MAP3K19: variants seen among roughly 807,000 people sequenced by gnomAD.
MAP3K19 encodes SPS1/STE20-related protein kinase YSK4.
A neutral mutation model predicts 114.4 loss-of-function variants in MAP3K19; 91 were observed. That is an observed-to-expected ratio of 0.80 (90% CI 0.67 to 0.95). The LOEUF (loss-of-function observed/expected upper bound fraction) is 0.95, where lower values mean the gene tolerates loss of function less well. MAP3K19 is among the 40% of genes least tolerant of loss of function. The pLI, the probability that MAP3K19 is intolerant of heterozygous loss-of-function variation, is 0.00. For synonymous variants in MAP3K19, 518 were observed against 530.5 expected (o/e 0.98, Z 0.32); for missense variants, 1,471 against 1,573.2 (o/e 0.94, Z 1.10).
rs2105230567 is a variant in MAP3K19 at position 134,986,886 on chromosome 2, G to T, written c.1986C>A (p.Ile662=). 1 of 1,614,156 alleles carries T rather than the reference G, an allele frequency of 6.2e-7. No homozygotes were observed. The highest frequency in any genetic ancestry group is 2.2e-5 in the East Asian group (1 of 44,882). The part of the protein sequence containing the change: ...EINSTANGPG[I]YEMFGTPVYC... ...AAACAGGGGTCCCAAACATTTCATAGATTCCAGGTCCATTAGCAGTTGAAT... is the reference window on the plus strand; with the variant it reads ...AAACAGGGGTCCCAAACATTTCATATATTCCAGGTCCATTAGCAGTTGAAT... Residue 662 remains isoleucine (I), a synonymous_variant, in exon 10 of 13, where the codon ATC becomes ATA. Transcript: ENST00000392915.
chr2:135,036,121 A>C (rs1408399194), intron 2 of MAP3K19, among the ~76,000 whole-genome samples: 1 of 152,072 alleles, frequency 6.6e-6, no homozygotes, highest in African/African-American at 2.4e-5. Flanking sequence ...GGTTTGAGCC[A>C]CTGGGCGCCT....
Position 134,980,813 on chromosome 2 carries a change from T to G in MAP3K19, c.3920+8A>C, listed in dbSNP as rs768418390. On this transcript the variant is annotated splice_region_variant and intron_variant, in intron 12 of 12. Coordinates refer to ENST00000392915, the MANE Select transcript of MAP3K19 (RefSeq NM_025052.5). ...TTTATCTTCCTCCTCTTGCTTTCAGTTTCTTACCTGGTCAGGCACATGCGC... is the reference window on the plus strand; with the variant it reads ...TTTATCTTCCTCCTCTTGCTTTCAGGTTCTTACCTGGTCAGGCACATGCGC... The G allele has an allele frequency of 1.2e-6, 2 of 1,605,230 alleles. No individual in the cohort carries two copies. Among genetic ancestry groups the G allele is most frequent in the Non-Finnish European group, 1.7e-6 (2 of 1,172,606 alleles).
intron 8 of MAP3K19, among the ~76,000 whole-genome samples, chr2:134,993,828 T>C (rs187470261): frequency 2.0e-5 from 3 of 152,234 alleles, no homozygotes; most frequent in East Asian, 3.9e-4. Flanking sequence ...CTGAGCAACA[T>C]AGCGAGACCC....
At chr2:135,034,526 C>T (rs1369979703) in intron 2 of MAP3K19, among the ~76,000 whole-genome samples, 1 of 130,624 alleles carries the variant, frequency 7.7e-6, no homozygotes, top group Non-Finnish European at 1.5e-5. Flanking sequence ...CCATTGAGCA[C>T]TGAGTGAACC....
chr2:135,007,767 TC>T (rs1341224008), intron 5 of MAP3K19, among the ~76,000 whole-genome samples: 1 of 152,196 alleles, frequency 6.6e-6, no homozygotes, highest in Non-Finnish European at 1.5e-5. Context: ...CTTAACCTTC[TC>T]TGTATTTCAA....
chr2:135,028,838 T>C (rs1688313247), intron 3 of MAP3K19, among the ~76,000 whole-genome samples: 2 of 152,196 alleles, frequency 1.3e-5, no homozygotes, highest in African/African-American at 4.8e-5. Context: ...ATAATGGTAT[T>C]ACTTCAGCAG....
chr2:134,967,580 C>T (rs929885464), intron 12 of MAP3K19, among the ~76,000 whole-genome samples: 1 of 152,242 alleles, frequency 6.6e-6, no homozygotes, highest in Non-Finnish European at 1.5e-5. Flanking sequence ...TGGAGAGAAA[C>T]ATAAATCTTG....
chr2:135,045,538 TAAC>T (rs1393705114), intron 1 of MAP3K19, among the ~76,000 whole-genome samples: 2 of 152,172 alleles, frequency 1.3e-5, no homozygotes. Context: ...GATATTCAAA[TAAC>T]AACTAGGCAA....
intron 6 of MAP3K19, among the ~76,000 whole-genome samples, chr2:135,005,223 G>A (rs1686730982): frequency 6.6e-6 from 1 of 152,012 alleles, no homozygotes; most frequent in African/African-American, 2.4e-5. Flanking sequence ...TGTATCATGG[G>A]GTTTGTTGTA....
intron 4 of MAP3K19, chr2:135,023,709 C>T (rs563334253): frequency 2.6e-6 from 1 of 391,970 alleles, no homozygotes; most frequent in African/African-American, 2.1e-5. Flanking sequence ...CTTAGGCTCA[C>T]TCTCACACCC....
intron 5 of MAP3K19, among the ~76,000 whole-genome samples, chr2:135,019,660 TAAAA>T (rs1241798602): frequency 6.6e-6 from 1 of 151,706 alleles, no homozygotes; most frequent in East Asian, 1.9e-4. Flanking sequence ...TCAAAATAAA[TAAAA>T]AATTTTTTGG....
At position 134,986,964 on chromosome 2, in the gene MAP3K19, C is replaced by A. The variant is rs759900754; in HGVS notation, c.1908G>T (p.Glu636Asp). ...TAAGATCTAGGTAATTTAGTCTTGGCTCTGTCGGTTGAACAGAGAGAGGAA... is the reference window on the plus strand; with the variant it reads ...TAAGATCTAGGTAATTTAGTCTTGGATCTGTCGGTTGAACAGAGAGAGGAA... ...SCVPLSVQPT[E>D]PRLNYLDLKY... Residue 636 changes from glutamate (E) to aspartate (D), a missense_variant, in exon 10 of 13, where the codon GAG becomes GAT. Coordinates refer to ENST00000392915, the MANE Select transcript of MAP3K19 (RefSeq NM_025052.5). 1.9e-6 allele frequency: 3 copies of A among 1,613,856 alleles called. No individual in the cohort carries two copies. The South Asian group carries it at 3.3e-5, about 18-fold the overall frequency.
Position 134,968,004 on chromosome 2 carries a change from C to A in MAP3K19, c.3921-3088G>T, listed in dbSNP as rs545869844. Among the ~76,000 whole-genome samples, 28 of 152,142 alleles carry A rather than the reference C, an allele frequency of 1.8e-4. 1 individual carries two copies. The highest frequency in any genetic ancestry group is 1.0e-3 in the Admixed American group (16 of 15,290). The stretch of plus-strand genomic sequence containing the variant: ...TGGTTTTCCTAGGCAGAGGACCCTG[C>A]GGCCTTCCGCAGTGTTTGTGTCCCT... On this transcript the variant is annotated intron_variant, in intron 12 of 12. Coordinates refer to ENST00000392915, the MANE Select transcript of MAP3K19 (RefSeq NM_025052.5).
At chr2:134,970,691 G>A (rs753027594) in intron 12 of MAP3K19, among the ~76,000 whole-genome samples, 28 of 150,730 alleles carry the variant, frequency 1.9e-4, no homozygotes, top group East Asian at 5.8e-4. Flanking sequence ...TCCACCTCCC[G>A]GGTTCATGCC....
At chr2:135,004,110 T>A (rs1686641952) in intron 6 of MAP3K19, among the ~76,000 whole-genome samples, 1 of 152,166 alleles carries the variant, frequency 6.6e-6, no homozygotes, top group Non-Finnish European at 1.5e-5. Context: ...ACTGAAAATA[T>A]TGCAAATCAA....
chr2:135,017,614 C>A (rs148385079), intron 5 of MAP3K19, among the ~76,000 whole-genome samples: 1 of 152,122 alleles, frequency 6.6e-6, no homozygotes, highest in Non-Finnish European at 1.5e-5. Flanking sequence ...CATTTTCAAC[C>A]AAACCCTCCT....
chr2:135,024,844 ATCT>A, intron 3 of MAP3K19, 103 bp from the exon 4 acceptor site: 1 of 544,364 alleles, frequency 1.8e-6, no homozygotes, highest in Middle Eastern at 4.8e-4. Flanking sequence ...ATAAAAAGTA[ATCT>A]TATGTAGTTT....
intron 8 of MAP3K19, among the ~76,000 whole-genome samples, 196 bp downstream of exon 8, chr2:134,998,542 C>G (rs754199116): frequency 3.3e-5 from 5 of 152,056 alleles, no homozygotes; most frequent in Non-Finnish European, 7.4e-5. Context: ...TTATGCCATC[C>G]TTCATTTTAC....
At chr2:135,008,088 T>G (rs1311201295) in intron 5 of MAP3K19, among the ~76,000 whole-genome samples, 1 of 152,196 alleles carries the variant, frequency 6.6e-6, no homozygotes, top group Non-Finnish European at 1.5e-5. Context: ...ATTTAAAATT[T>G]CTTTCCTTCA....
Sources: allele counts gnomAD v4.1 joint callset (sites outside exome capture counted in the v4.1 genomes callset), GRCh38; gene constraint gnomAD v4.1.1; transcripts MANE v1.5; gene names NCBI Gene and HGNC (gene_info 2026-07-23, HGNC 2026-07-21).